The following SEC11A variants were observed in gnomAD, a reference collection of about 807,000 sequenced individuals.
SEC11A encodes signal peptidase complex catalytic subunit SEC11A.
In SEC11A, 14 loss-of-function variants were observed where a neutral mutation model predicts 25.6. That is an observed-to-expected ratio of 0.55 (90% CI 0.36 to 0.85). The LOEUF is 0.85. SEC11A is among the 40% of genes least tolerant of loss of function. The probability of loss-of-function intolerance (pLI) is 0.01; values close to 1 mark genes in which losing one functional copy is unlikely to be tolerated. For synonymous variants in SEC11A, 83 were observed against 76.4 expected, an observed-to-expected ratio of 1.09 and a Z score of -0.45; for missense variants, 153 against 222.9, an observed-to-expected ratio of 0.69 and a Z score of 2.00.
At chr15:84,692,997 A>G (rs1411767962) in intron 1 of SEC11A, among the ~76,000 whole-genome samples, 1 of 151,654 alleles carries the variant, frequency 6.6e-6, no homozygotes, top group African/African-American at 2.4e-5. Flanking sequence ...TAATTTTTGT[A>G]TGTTTTGTAG....
chr15:84,677,869 A>T (rs1897181368), intron 4 of SEC11A, among the ~76,000 whole-genome samples: 1 of 152,130 alleles, frequency 6.6e-6, no homozygotes, highest in African/African-American at 2.4e-5. Flanking sequence ...AATGGGCCAG[A>T]GTGAGCAGAC....
At chr15:84,710,356 G>A (rs569408737) in intron 1 of SEC11A, among the ~76,000 whole-genome samples, 30 of 152,238 alleles carry the variant, frequency 2.0e-4, no homozygotes, top group African/African-American at 7.0e-4. Context: ...ATTGTTGGCT[G>A]AGTGCAGTGG....
At position 84,669,902 on chromosome 15, in the gene SEC11A, C is replaced by A; in HGVS notation, c.*117G>T. The stretch of plus-strand genomic sequence containing the variant: ...AAACATAAACTAATGCAAACCAGTG[C>A]TACCCAGAAGCACCAACACGTGTGT... On this transcript the variant is annotated 3_prime_UTR_variant, in exon 6 of 6. Transcript: ENST00000268220. The A allele has an allele frequency of 6.4e-7, 1 of 1,569,628 alleles. No individual in the cohort carries two copies. Among genetic ancestry groups the A allele is most frequent in the Non-Finnish European group, 8.6e-7 (1 of 1,156,904 alleles).
chr15:84,694,496 T>C (rs1897701189), intron 1 of SEC11A, among the ~76,000 whole-genome samples: 1 of 152,168 alleles, frequency 6.6e-6, no homozygotes, highest in Non-Finnish European at 1.5e-5. Context: ...ATCAAAACAG[T>C]ATACACACAT....
In SEC11A at chr15:84,681,418, T is replaced by A. The variant is rs578109480; in HGVS notation, c.312-586A>T. Among the ~76,000 whole-genome samples, 69 of 151,844 alleles carry A rather than the reference T, an allele frequency of 4.5e-4. 1 individual carries two copies. The South Asian group carries it at 0.014, about 31-fold the overall frequency. Reference sequence around the variant, plus strand: ...GCCAAGGTGGGCGGATCACCTGAGGTCAGAAGTTCGAGACCAGCCTGGCCA... The same window carrying A: ...GCCAAGGTGGGCGGATCACCTGAGGACAGAAGTTCGAGACCAGCCTGGCCA... On this transcript the variant is annotated intron_variant, in intron 3 of 5. Coordinates refer to ENST00000268220, the MANE Select transcript of SEC11A (RefSeq NM_014300.4).
intron 1 of SEC11A, chr15:84,691,860 A>G (rs1897617560): frequency 2.6e-6 from 1 of 386,226 alleles, no homozygotes; most frequent in Admixed American, 4.5e-5. Context: ...GTTTGGTAAA[A>G]CATCAGTTAC....
At chr15:84,678,739 T>C (rs1359598680) in intron 4 of SEC11A, among the ~76,000 whole-genome samples, 1 of 152,142 alleles carries the variant, frequency 6.6e-6, no homozygotes. Context: ...ATGCCTGTAA[T>C]CTCAGCACTT....
intron 5 of SEC11A, 76 bp from the exon 6 acceptor site, chr15:84,670,145 T>C: frequency 7.0e-7 from 1 of 1,428,124 alleles, no homozygotes; most frequent in South Asian, 1.3e-5. Flanking sequence ...ATTAACAAAT[T>C]GGTCTTTGTG....
intron 4 of SEC11A, among the ~76,000 whole-genome samples, chr15:84,677,627 C>T (rs1897173193): frequency 6.6e-6 from 1 of 151,928 alleles, no homozygotes; most frequent in Admixed American, 6.6e-5. Context: ...CACCCGCCAC[C>T]ACGCCCAGCT....
intron 2 of SEC11A, among the ~76,000 whole-genome samples, chr15:84,690,172 G>A (rs1434099368): frequency 6.6e-6 from 1 of 152,132 alleles, no homozygotes; most frequent in Non-Finnish European, 1.5e-5. Context: ...GACCCAGCAG[G>A]AGGTAACTGA....
intron 4 of SEC11A, chr15:84,679,921 C>G (rs1897240741): frequency 6.6e-7 from 1 of 1,522,098 alleles, no homozygotes; most frequent in African/African-American, 1.4e-5. Context: ...TCCTTAATAC[C>G]AACAACTTAC....
intron 2 of SEC11A, among the ~76,000 whole-genome samples, chr15:84,688,351 G>A (rs1369921991): frequency 6.6e-6 from 1 of 152,158 alleles, no homozygotes; most frequent in Non-Finnish European, 1.5e-5. Flanking sequence ...CAAGGAATAA[G>A]CAGAGATTTT....
chr15:84,711,686 G>C (rs1021501800), intron 1 of SEC11A, among the ~76,000 whole-genome samples: 6 of 150,762 alleles, frequency 4.0e-5, no homozygotes, highest in Non-Finnish European at 1.5e-5. Context: ...AGACGTGGTG[G>C]CGCACACCTG....
At chr15:84,690,370 T>G (rs1047427658) in intron 2 of SEC11A, among the ~76,000 whole-genome samples, 1 of 152,182 alleles carries the variant, frequency 6.6e-6, no homozygotes, top group Non-Finnish European at 1.5e-5. Context: ...GTAAGTCCAG[T>G]AAACCTCTTT....
Position 84,679,945 on chromosome 15 carries a change from CACTGA to C in SEC11A, c.431+763_431+767del, listed in dbSNP as rs1249612458. 4 of 1,530,934 alleles carry C rather than the reference CACTGA, an allele frequency of 2.6e-6. No homozygotes were observed. In the African/African-American group the frequency reaches 5.5e-5, roughly 21 times the overall value. The allele number at this position is 1,530,934 out of a possible 1,614,324, so 94.8% of individuals were successfully genotyped here. A position where few individuals can be genotyped will look rare whatever the true frequency, so the allele number is the denominator to read the frequency against. On this transcript the variant is annotated intron_variant, in intron 4 of 5. Coordinates refer to ENST00000268220, the MANE Select transcript of SEC11A (RefSeq NM_014300.4). ...CCAACAACTTACAATTCCTGTCCTC[CACTGA>C]ACTGTTCTCCTGATAAAATCTGAAA...
rs1330391725 is a variant in SEC11A, at chr15:84,691,534, C to A, written c.161+1G>T. The A allele has an allele frequency of 1.3e-6, 2 of 1,572,846 alleles. No individual in the cohort carries two copies. The highest frequency in any genetic ancestry group is 2.2e-5 in the East Asian group (1 of 44,624). On this transcript the variant is annotated splice_donor_variant, in intron 2 of 5. Transcript: ENST00000268220. LOFTEE classifies it high-confidence loss of function. The stretch of plus-strand genomic sequence containing the variant: ...CATGCCTTGAAAGGAAAAACTGTTA[C>A]CTGAGCACCACTACAATCGGACTTT...
intron 4 of SEC11A, among the ~76,000 whole-genome samples, chr15:84,677,669 T>G (rs867805514): frequency 2.0e-5 from 3 of 152,066 alleles, no homozygotes; most frequent in Middle Eastern, 3.4e-3. Context: ...GAGACGGAGT[T>G]TCACTGTGTT....
At chr15:84,676,259 G>T (rs1456727415) in intron 4 of SEC11A, among the ~76,000 whole-genome samples, 1 of 151,936 alleles carries the variant, frequency 6.6e-6, no homozygotes, top group Non-Finnish European at 1.5e-5. Flanking sequence ...TAAAAAAAAA[G>T]AGAGAGACCA....
rs549195751 is a variant in SEC11A at position 84,688,296 on chromosome 15, T to C, written c.162-522A>G. On this transcript the variant is annotated intron_variant, in intron 2 of 5. Transcript: ENST00000268220. ...GAACAGCCAGCTACAGAGATAAAGC[T>C]TGTGTTATCAATTTACTTATTTTAA... Among the ~76,000 whole-genome samples, 22 of 152,272 alleles carry C rather than the reference T, an allele frequency of 1.4e-4. 1 individual carries two copies. The South Asian group carries it at 1.5e-3, about 10-fold the overall frequency.
Sources: allele counts gnomAD v4.1 joint callset (sites outside exome capture counted in the v4.1 genomes callset), GRCh38; gene constraint gnomAD v4.1.1; transcripts MANE v1.5; gene names NCBI Gene and HGNC (gene_info 2026-07-23, HGNC 2026-07-21).